The following TMTC1 variants were observed in gnomAD, a reference collection of about 807,000 sequenced individuals.
The protein encoded by TMTC1 is transmembrane O-mannosyltransferase targeting cadherins 1.
In TMTC1, 73 loss-of-function variants were observed where a neutral mutation model predicts 104.8. The ratio of observed to expected loss-of-function variants is 0.70; its 90% CI spans 0.58 to 0.85. The LOEUF is 0.85. TMTC1 is among the 40% of genes least tolerant of loss of function. TMTC1 has a pLI of 0.00. For synonymous variants in TMTC1, 434 were observed against 428.7 expected, an observed-to-expected ratio of 1.01 and a Z score of -0.15; for missense variants, 1,035 against 1,096.1, an observed-to-expected ratio of 0.94 and a Z score of 0.79.
intron 5 of TMTC1, among the ~76,000 whole-genome samples, chr12:29,637,085 A>AACACACACAC (rs200543052): frequency 3.6e-4 from 17 of 47,696 alleles, no homozygotes; most frequent in East Asian, 2.0e-3. Flanking sequence ...CAAAATGAGA[A>AACACACACAC]ACACACACAC....
chr12:29,727,301 C>A (rs1942419929), intron 5 of TMTC1, among the ~76,000 whole-genome samples: 2 of 152,172 alleles, frequency 1.3e-5, no homozygotes, highest in African/African-American at 4.8e-5. Flanking sequence ...TGCAGGAGCC[C>A]CCAACTCACA....
chr12:29,586,909 GTC>G (rs1946151143), intron 7 of TMTC1, among the ~76,000 whole-genome samples: 1 of 151,838 alleles, frequency 6.6e-6, no homozygotes, highest in African/African-American at 2.4e-5. Flanking sequence ...TTTTTGTTGT[GTC>G]TCTGCCAGGC....
At chr12:29,608,948 G>A (rs539772619) in intron 6 of TMTC1, among the ~76,000 whole-genome samples, 4 of 151,992 alleles carry the variant, frequency 2.6e-5, no homozygotes, top group Admixed American at 6.6e-5. Flanking sequence ...GCAAAGACAC[G>A]CACACACACA....
intron 6 of TMTC1, among the ~76,000 whole-genome samples, chr12:29,613,350 A>G (rs1946894996): frequency 6.6e-6 from 1 of 152,186 alleles, no homozygotes; most frequent in Admixed American, 6.5e-5. Flanking sequence ...TGTGAGAATC[A>G]AGAGAGAACA....
chr12:29,744,095 C>A (rs74082505), intron 5 of TMTC1, among the ~76,000 whole-genome samples: 1 of 152,210 alleles, frequency 6.6e-6, no homozygotes, highest in Non-Finnish European at 1.5e-5. Context: ...TATGTTCTGA[C>A]AGCGTTCTCT....
At chr12:29,544,200 C>A (rs1944878848) in intron 10 of TMTC1, among the ~76,000 whole-genome samples, 1 of 151,290 alleles carries the variant, frequency 6.6e-6, no homozygotes, top group Non-Finnish European at 1.5e-5. Flanking sequence ...TGAGATCATG[C>A]CACTGCACTC....
chr12:29,536,416 G>T (rs1944645519), intron 10 of TMTC1, 99 bp from the exon 11 acceptor site: 2 of 771,406 alleles, frequency 2.6e-6, no homozygotes, highest in Non-Finnish European at 4.3e-6. Context: ...TTTTAGCAAA[G>T]GTTAGCTGAT....
intron 3 of TMTC1, among the ~76,000 whole-genome samples, chr12:29,758,125 T>C (rs935429365): frequency 6.6e-6 from 1 of 152,162 alleles, no homozygotes; most frequent in African/African-American, 2.4e-5. Flanking sequence ...CAGATGAGAA[T>C]CTGATTGGTT....
chr12:29,634,956 A>G (rs1938476177), intron 5 of TMTC1, among the ~76,000 whole-genome samples: 1 of 152,218 alleles, frequency 6.6e-6, no homozygotes, highest in African/African-American at 2.4e-5. Context: ...GGTCAGTGGT[A>G]GAAAGGAAAA....
intron 1 of TMTC1, among the ~76,000 whole-genome samples, chr12:29,778,766 A>T (rs1332655600): frequency 6.6e-6 from 1 of 152,260 alleles, no homozygotes; most frequent in Non-Finnish European, 1.5e-5. Flanking sequence ...CTAGAAAACC[A>T]GAGCCACCAT....
chr12:29,711,321 G>C (rs1165347664), intron 5 of TMTC1, among the ~76,000 whole-genome samples: 1 of 152,066 alleles, frequency 6.6e-6, no homozygotes, highest in Non-Finnish European at 1.5e-5. Flanking sequence ...ATGTATTCAG[G>C]AACAAGTTTC....
intron 5 of TMTC1, among the ~76,000 whole-genome samples, chr12:29,718,916 G>A (rs1321799952): frequency 7.4e-6 from 1 of 135,520 alleles, no homozygotes; most frequent in African/African-American, 2.9e-5. Context: ...CTGGGTGACA[G>A]AGCGAGACTC....
intron 5 of TMTC1, among the ~76,000 whole-genome samples, chr12:29,727,215 T>C (rs1007469528): frequency 2.6e-5 from 4 of 152,212 alleles, no homozygotes; most frequent in African/African-American, 9.6e-5. Context: ...AGGCTCAGTA[T>C]TGTGGTCCCA....
At chr12:29,708,941 T>A (rs762101713) in intron 5 of TMTC1, among the ~76,000 whole-genome samples, 1 of 152,142 alleles carries the variant, frequency 6.6e-6, no homozygotes. Flanking sequence ...CTCCTAAACA[T>A]AGGAGTATAA....
intron 10 of TMTC1, among the ~76,000 whole-genome samples, chr12:29,548,873 A>T (rs1945017328): frequency 1.5e-5 from 2 of 137,420 alleles, no homozygotes; most frequent in African/African-American, 6.0e-5. Context: ...TATATAAATT[A>T]TATAAAATTA....
intron 6 of TMTC1, among the ~76,000 whole-genome samples, chr12:29,606,973 G>GC (rs57146094): frequency 0.019 from 2,851 of 148,968 alleles, 72 homozygotes; most frequent in African/African-American, 0.054. Context: ...CAACCTTCCT[G>GC]CCCCCCCCCC....
At chr12:29,756,232 T>C (rs1465133842) in intron 3 of TMTC1, among the ~76,000 whole-genome samples, 1 of 152,248 alleles carries the variant, frequency 6.6e-6, no homozygotes, top group Non-Finnish European at 1.5e-5. Context: ...CCAGGTTCCC[T>C]GGGTTCCCTG....
intron 7 of TMTC1, among the ~76,000 whole-genome samples, chr12:29,583,921 T>C (rs1468902862): frequency 1.3e-5 from 2 of 152,168 alleles, no homozygotes; most frequent in Admixed American, 6.5e-5. Context: ...AGCTCCCTCA[T>C]GTCACTGTCA....
At chr12:29,700,793 G>T (rs1193627508) in intron 5 of TMTC1, among the ~76,000 whole-genome samples, 5 of 152,086 alleles carry the variant, frequency 3.3e-5, no homozygotes, top group Non-Finnish European at 7.4e-5. Context: ...TGAAAAATGG[G>T]ACTAAAGCTA....
Sources: allele counts gnomAD v4.1 joint callset (sites outside exome capture counted in the v4.1 genomes callset), GRCh38; gene constraint gnomAD v4.1.1; transcripts MANE v1.5; gene names NCBI Gene and HGNC (gene_info 2026-07-23, HGNC 2026-07-21).